LARP4B: variants seen among roughly 807,000 people sequenced by gnomAD.
The protein encoded by LARP4B is La ribonucleoprotein 4B, also known as la-related protein 4B.
In LARP4B, 12 loss-of-function variants were observed where a neutral mutation model predicts 89.8. That is an observed-to-expected ratio of 0.13 (90% CI 0.09 to 0.22). The LOEUF (loss-of-function observed/expected upper bound fraction) is 0.22, where lower values mean the gene tolerates loss of function less well. LARP4B is among the 10% of genes least tolerant of loss of function. The pLI, the probability that LARP4B is intolerant of heterozygous loss-of-function variation, is 1.00. For missense variants in LARP4B, 757 were observed against 947.7 expected (o/e 0.80, Z 2.64); for synonymous variants, 367 against 363.3 (o/e 1.01, Z -0.12).
intron 8 of LARP4B, among the ~76,000 whole-genome samples, chr10:835,242 C>A (rs925721571): frequency 6.6e-6 from 1 of 152,176 alleles, no homozygotes; most frequent in Non-Finnish European, 1.5e-5. Context: ...GAATTTCTTA[C>A]GCTAGGCAGA....
At chr10:861,100 G>A (rs1834588622) in intron 5 of LARP4B, among the ~76,000 whole-genome samples, 1 of 152,100 alleles carries the variant, frequency 6.6e-6, no homozygotes, top group Non-Finnish European at 1.5e-5. Context: ...AGGTTGCAGT[G>A]AGCCGAGATC....
chr10:847,965 G>C (rs1215724705), intron 5 of LARP4B, among the ~76,000 whole-genome samples: 2 of 152,192 alleles, frequency 1.3e-5, no homozygotes, highest in Admixed American at 6.5e-5. Context: ...GAATGCAGGA[G>C]ATAGGGAGGC....
the LARP4B span, among the ~76,000 whole-genome samples, chr10:949,143 C>G: frequency 6.7e-6 from 1 of 150,030 alleles, no homozygotes; most frequent in Non-Finnish European, 1.5e-5. Context: ...GATCTCCAAC[C>G]CATTTCCCAG....
At chr10:982,263 T>C in the LARP4B span, among the ~76,000 whole-genome samples, 1 of 152,114 alleles carries the variant, frequency 6.6e-6, no homozygotes, top group African/African-American at 2.4e-5. Context: ...AACTAGGTTT[T>C]GTATTTTTAG....
the LARP4B span, among the ~76,000 whole-genome samples, chr10:981,610 G>A: frequency 9.9e-5 from 15 of 152,028 alleles, no homozygotes; most frequent in East Asian, 1.2e-3. Flanking sequence ...TCACTCTGTC[G>A]CCCAGACTGG....
Position 868,099 on chromosome 10 carries a change from A to C in LARP4B, c.142-3829T>G, listed in dbSNP as rs572830711. ...TTTGAAAAATAACGTATCAATTAATAAGCTTGTATAACTACCGATACGAGA... is the reference window on the plus strand; with the variant it reads ...TTTGAAAAATAACGTATCAATTAATCAGCTTGTATAACTACCGATACGAGA... On this transcript the variant is annotated intron_variant, in intron 3 of 17. Coordinates refer to ENST00000316157, the MANE Select transcript of LARP4B (RefSeq NM_015155.3). Among the ~76,000 whole-genome samples the C allele has an allele frequency of 2.2e-4, 33 of 152,134 alleles. No individual in the cohort carries two copies. The Middle Eastern group carries it at 0.01, about 47-fold the overall frequency.
chr10:981,716 C>G, the LARP4B span, among the ~76,000 whole-genome samples: 1 of 152,050 alleles, frequency 6.6e-6, no homozygotes, highest in Non-Finnish European at 1.5e-5. Context: ...ATTACAGGCG[C>G]CTGCCACTGT....
chr10:957,776 T>C, the LARP4B span, among the ~76,000 whole-genome samples: 2 of 151,612 alleles, frequency 1.3e-5, no homozygotes, highest in Non-Finnish European at 2.9e-5. Flanking sequence ...CCTGTAATCT[T>C]ACCCTTTTCA....
chr10:820,249 A>G (rs1311656588), intron 14 of LARP4B: 6 of 152,414 alleles, frequency 3.9e-5, no homozygotes, highest in African/African-American at 1.4e-4. Flanking sequence ...AATCAACCCA[A>G]GCAAAAATCA....
chr10:880,579 A>AG lies in LARP4B; in HGVS notation c.141+3867dup, dbSNP rs1332602484. ...TGCATGCCTGTAATTCCAGCTACTC[A>AG]GAAGGCTGAGGCACAAGAATAGCTT... On this transcript the variant is annotated intron_variant, in intron 3 of 17. Transcript: ENST00000316157. Among the ~76,000 whole-genome samples, 5 of 152,222 alleles carry AG rather than the reference A, an allele frequency of 3.3e-5. No individual in the cohort carries two copies. The East Asian group carries it at 9.7e-4, about 29-fold the overall frequency.
intron 3 of LARP4B, among the ~76,000 whole-genome samples, chr10:866,105 T>G (rs191428589): frequency 6.6e-6 from 1 of 152,314 alleles, no homozygotes; most frequent in East Asian, 1.9e-4. Context: ...GCAGCTGATG[T>G]GGTTTGTTCG....
intron 3 of LARP4B, among the ~76,000 whole-genome samples, chr10:875,227 C>T (rs1835410398): frequency 6.6e-6 from 1 of 152,240 alleles, no homozygotes; most frequent in Non-Finnish European, 1.5e-5. Context: ...TCCATTTTTA[C>T]ATGTGTCATC....
At chr10:943,754 GGGGCCCAGGTCAGGA>G in the LARP4B span, among the ~76,000 whole-genome samples, 11 of 152,110 alleles carry the variant, frequency 7.2e-5, no homozygotes, top group Non-Finnish European at 1.6e-4. Flanking sequence ...AAGGTGCAGG[GGGGCCCAGGTCAGGA>G]GGGCCCGGGT....
At chr10:915,991 CTT>C (rs911420910) in intron 1 of LARP4B, among the ~76,000 whole-genome samples, 7 of 152,036 alleles carry the variant, frequency 4.6e-5, no homozygotes, top group African/African-American at 1.7e-4. Flanking sequence ...AAAATTAAGT[CTT>C]TTCCAAAAGG....
chr10:866,533 C>T (rs944289108), intron 3 of LARP4B, among the ~76,000 whole-genome samples: 39 of 152,218 alleles, frequency 2.6e-4, no homozygotes, highest in Non-Finnish European at 4.6e-4. Flanking sequence ...CCTCTGGCAG[C>T]GTTTACGCCG....
the LARP4B span, among the ~76,000 whole-genome samples, chr10:982,426 T>C: frequency 5.3e-5 from 8 of 152,190 alleles, no homozygotes; most frequent in Non-Finnish European, 1.0e-4. Context: ...AAAAATAATT[T>C]GGACTAGACC....
chr10:845,129 C>CTAAT (rs1833709726), intron 5 of LARP4B, 74 bp from the exon 6 acceptor site: 1 of 1,022,728 alleles, frequency 9.8e-7, no homozygotes, highest in Admixed American at 2.1e-5. Flanking sequence ...TACAGCAGTT[C>CTAAT]TAATGCTTTC....
intron 1 of LARP4B, among the ~76,000 whole-genome samples, chr10:906,141 C>T (rs1836485872): frequency 1.3e-5 from 2 of 152,182 alleles, no homozygotes; most frequent in Admixed American, 1.3e-4. Flanking sequence ...AAACTATATC[C>T]ATAATGCATC....
Position 876,161 on chromosome 10 carries a change from G to A in LARP4B, c.141+8286C>T, listed in dbSNP as rs1378246256. On this transcript the variant is annotated intron_variant, in intron 3 of 17. Coordinates refer to ENST00000316157, the MANE Select transcript of LARP4B (RefSeq NM_015155.3). ...AACACTTAGGGAGGCCAAAGCAGGC[G>A]GATCACCTGAGATCAAAAGTTCGAG... 3.3e-5 allele frequency among the ~76,000 whole-genome samples: 5 copies of A among 152,224 alleles called. No homozygotes were observed. The East Asian group carries it at 7.7e-4, about 24-fold the overall frequency.
Sources: allele counts gnomAD v4.1 joint callset (sites outside exome capture counted in the v4.1 genomes callset), GRCh38; gene constraint gnomAD v4.1.1; transcripts MANE v1.5; gene names NCBI Gene and HGNC (gene_info 2026-07-23, HGNC 2026-07-21).